Variants in TTC13 observed in about 807,000 individuals in gnomAD.
TTC13 encodes the protein tetratricopeptide repeat domain 13, also known as tetratricopeptide repeat protein 13.
TTC13 carries 62 observed loss-of-function variants against 120.0 expected under a neutral mutation model. That is an observed-to-expected ratio of 0.52 (90% CI 0.42 to 0.64). The LOEUF is 0.64. Ranked by LOEUF, TTC13 falls within the 30% of genes least tolerant of loss-of-function variation. The pLI is 0.00. For synonymous variants in TTC13, 384 were observed against 393.5 expected, an observed-to-expected ratio of 0.98 and a Z score of 0.28; for missense variants, 824 against 1,050.2, an observed-to-expected ratio of 0.78 and a Z score of 2.98.
In TTC13 at chr1:230,923,863, T is replaced by C. The variant is rs748344205; in HGVS notation, c.1792A>G (p.Asn598Asp). 5.0e-6 allele frequency: 8 copies of C among 1,613,868 alleles called. No homozygotes were observed. ...MPARSLSRGF[N>D]NHINLIRGQV... ...TACCTGATTAAATTAATGTGGTTGTTAAAACCTCTGCTAAGACTTCGTGCT... is the reference window on the plus strand; with the variant it reads ...TACCTGATTAAATTAATGTGGTTGTCAAAACCTCTGCTAAGACTTCGTGCT... Residue 598 changes from asparagine to aspartate, a missense_variant, in exon 15 of 23, where the codon AAC becomes GAC. Coordinates refer to ENST00000366661, the MANE Select transcript of TTC13 (RefSeq NM_024525.5).
At chr1:230,936,925 A>G (rs4846829) in intron 8 of TTC13, among the ~76,000 whole-genome samples, 103,349 of 152,036 alleles carry the variant, frequency 0.68, 35,230 homozygotes, top group Admixed American at 0.72. Context: ...TACCTCATGG[A>G]GATGCCGTTG....
intron 18 of TTC13, 97 bp downstream of exon 18, chr1:230,916,096 C>T: frequency 2.2e-6 from 2 of 908,116 alleles, no homozygotes; most frequent in Non-Finnish European, 3.7e-6. Context: ...CAGGATGGAG[C>T]AAAAGTTCAA....
intron 11 of TTC13, 37 bp from the exon 12 acceptor site, chr1:230,929,130 C>A (rs948740932): frequency 1.9e-6 from 3 of 1,587,334 alleles, no homozygotes; most frequent in Non-Finnish European, 2.6e-6. Context: ...CATCCAAATA[C>A]TGCTAAAGAA....
chr1:230,928,666 T>G (rs1673259492), intron 12 of TTC13, among the ~76,000 whole-genome samples: 2 of 152,232 alleles, frequency 1.3e-5, no homozygotes, highest in Non-Finnish European at 2.9e-5. Context: ...AATGGTAATG[T>G]TAATGTATCT....
At chr1:230,923,773 G>A (rs1238402101) in intron 15 of TTC13, 68 bp downstream of exon 15, 1 of 1,340,286 alleles carries the variant, frequency 7.5e-7, no homozygotes, top group African/African-American at 1.4e-5. Flanking sequence ...GTCACTCCTG[G>A]TCTCCATGGC....
At position 230,923,983 on chromosome 1, in the gene TTC13, A is replaced by G. The variant is rs1479139395; in HGVS notation, c.1722-50T>C. The G allele has an allele frequency of 2.1e-6, 3 of 1,451,328 alleles. No homozygotes were observed. In the African/African-American group the frequency reaches 4.2e-5, roughly 20 times the overall value. 89.9% of individuals were successfully genotyped at this position (1,451,328 alleles called of 1,614,324 possible). A position where few individuals can be genotyped will look rare whatever the true frequency, so the allele number is the denominator to read the frequency against. ...ACCAGAAGTGTTCAGAAGCATTCCA[A>G]ATAAAACATGTAGAAGTGTTTGCAA... On this transcript the variant is annotated intron_variant, in intron 14 of 22. Coordinates refer to ENST00000366661, the MANE Select transcript of TTC13 (RefSeq NM_024525.5).
intron 18 of TTC13, among the ~76,000 whole-genome samples, chr1:230,913,474 C>T (rs1294912374): frequency 6.6e-6 from 1 of 152,170 alleles, no homozygotes; most frequent in Admixed American, 6.5e-5. Context: ...ATCTTCCCGC[C>T]TCAGCCTCTT....
At chr1:230,931,959 C>G (rs894825459) in intron 9 of TTC13, 82 bp from the exon 10 acceptor site, 2 of 1,384,476 alleles carry the variant, frequency 1.4e-6, no homozygotes, top group Non-Finnish European at 2.0e-6. Flanking sequence ...AATTATGGAC[C>G]AATATGTAAA....
At chr1:230,939,754 T>A (rs189772569) in intron 7 of TTC13, among the ~76,000 whole-genome samples, 139 of 152,334 alleles carry the variant, frequency 9.1e-4, no homozygotes, top group Non-Finnish European at 1.5e-3. Context: ...ACAAAAAAAT[T>A]TATCTCAAAT....
chr1:230,951,473 TA>T (rs1318981456), intron 4 of TTC13, among the ~76,000 whole-genome samples: 1 of 152,300 alleles, frequency 6.6e-6, no homozygotes, highest in East Asian at 1.9e-4. Flanking sequence ...AAAGGACATT[TA>T]CTGGCTTAAA....
At chr1:230,963,009 G>A (rs1428088077) in intron 1 of TTC13, among the ~76,000 whole-genome samples, 1 of 152,150 alleles carries the variant, frequency 6.6e-6, no homozygotes, top group Non-Finnish European at 1.5e-5. Flanking sequence ...TGGGGTGGTT[G>A]CACATGGTGA....
At position 230,906,844 on chromosome 1, in the gene TTC13, T is replaced by TA. The variant is rs1173591791; in HGVS notation, c.*60dup. On this transcript the variant is annotated 3_prime_UTR_variant, in exon 23 of 23. Transcript: ENST00000366661. ...CTAATTTCTTTATAATTCCATGTTTTAAAAAATAACTTAAGAAGCAAGAGG... is the reference window on the plus strand; with the variant it reads ...CTAATTTCTTTATAATTCCATGTTTTAAAAAAATAACTTAAGAAGCAAGAGG... 1.1e-5 allele frequency: 9 copies of TA among 784,818 alleles called. No individual in the cohort carries two copies. Among genetic ancestry groups the TA allele is most frequent in the African/African-American group, 1.8e-5 (1 of 55,824 alleles). The allele number at this position is 784,818 out of a possible 1,614,324, so 48.6% of individuals were successfully genotyped here.
At position 230,971,869 on chromosome 1, in the gene TTC13, G is replaced by A. The variant is rs79511926; in HGVS notation, c.271+6691C>T. 2.3e-4 allele frequency among the ~76,000 whole-genome samples: 35 copies of A among 152,324 alleles called. No homozygotes were observed. The East Asian group carries it at 6.7e-3, about 29-fold the overall frequency. On this transcript the variant is annotated intron_variant, in intron 1 of 22. Coordinates refer to ENST00000366661, the MANE Select transcript of TTC13 (RefSeq NM_024525.5). Reference sequence around the variant, plus strand: ...TTACTTAGCATAAGGTTATAAACTAGATTGAAGATGCATCAGATGCTCAAA... The same window carrying A: ...TTACTTAGCATAAGGTTATAAACTAAATTGAAGATGCATCAGATGCTCAAA...
chr1:230,945,533 T>A, intron 4 of TTC13, 79 bp from the exon 5 acceptor site: 1 of 1,303,062 alleles, frequency 7.7e-7, no homozygotes, highest in Non-Finnish European at 1.1e-6. Context: ...TAAAGCACGT[T>A]AATGCCGCAA....
chr1:230,918,083 A>G (rs1672217270), intron 17 of TTC13, among the ~76,000 whole-genome samples: 1 of 152,206 alleles, frequency 6.6e-6, no homozygotes, highest in Non-Finnish European at 1.5e-5. Context: ...GTCCCACTGG[A>G]TTTTCATGTA....
chr1:230,912,211 T>C (rs1246023898), intron 19 of TTC13, among the ~76,000 whole-genome samples: 1 of 152,088 alleles, frequency 6.6e-6, no homozygotes, highest in African/African-American at 2.4e-5. Flanking sequence ...TATACACAAC[T>C]TCATTATACT....
chr1:230,977,673 C>T (rs776704972), intron 1 of TTC13, among the ~76,000 whole-genome samples: 1 of 152,140 alleles, frequency 6.6e-6, no homozygotes. Context: ...CCAGTGGGTT[C>T]GGTAGACCCC....
At chr1:230,925,076 G>T in intron 13 of TTC13, 103 bp from the exon 14 acceptor site, 1 of 1,420,070 alleles carries the variant, frequency 7.0e-7, no homozygotes, top group Non-Finnish European at 9.8e-7. Flanking sequence ...ACACATAAAG[G>T]GTCAGAAGTA....
At chr1:230,941,181 A>G (rs914956346) in intron 6 of TTC13, among the ~76,000 whole-genome samples, 3 of 152,252 alleles carry the variant, frequency 2.0e-5, no homozygotes, top group African/African-American at 7.2e-5. Context: ...TATAGAAGAC[A>G]GTTCAGAATG....
Sources: gnomAD v4.1 joint callset for allele counts (sites outside exome capture counted in the v4.1 genomes callset) on GRCh38, gnomAD v4.1.1 for gene constraint, MANE v1.5 for transcripts, NCBI Gene and HGNC (gene_info 2026-07-23, HGNC 2026-07-21) for gene names.